LRRC28: variants seen among roughly 807,000 people sequenced by gnomAD.
LRRC28 encodes leucine rich repeat containing 28.
In LRRC28, 39 loss-of-function variants were observed where a neutral mutation model predicts 45.7. That is an observed-to-expected ratio of 0.85 (90% CI 0.66 to 1.12). LRRC28 has a LOEUF of 1.12. Among genes scored for constraint, LRRC28 ranks in the 50% most tolerant of loss-of-function variants. The probability of loss-of-function intolerance (pLI) is 0.00; values close to 1 mark genes in which losing one functional copy is unlikely to be tolerated. For missense variants in LRRC28, 435 were observed against 438.5 expected, an observed-to-expected ratio of 0.99 and a Z score of 0.07; for synonymous variants, 206 against 178.8, an observed-to-expected ratio of 1.15 and a Z score of -1.22.
intron 5 of LRRC28, among the ~76,000 whole-genome samples, chr15:99,323,177 G>A (rs1285367344): frequency 6.6e-6 from 1 of 152,122 alleles, no homozygotes; most frequent in African/African-American, 2.4e-5. Context: ...ACCACAGTTT[G>A]ATTTTGGCTC....
intron 3 of LRRC28, chr15:99,286,973 A>G (rs2081974466): frequency 4.0e-6 from 1 of 248,786 alleles, no homozygotes. Context: ...TGTGTTATGA[A>G]GTTAAAAAGA....
At chr15:99,367,877 C>T (rs896786958) in intron 9 of LRRC28, among the ~76,000 whole-genome samples, 2 of 152,124 alleles carry the variant, frequency 1.3e-5, no homozygotes, top group Non-Finnish European at 2.9e-5. Flanking sequence ...GCCCCCCTCC[C>T]CTCCCCAAAG....
chr15:99,384,778 T>C (rs553464500), intron 9 of LRRC28: 1 of 152,322 alleles, frequency 6.6e-6, no homozygotes, highest in East Asian at 1.9e-4. Context: ...CCCACTTCTC[T>C]CTAGTAAGAA....
rs546099541 is a variant in LRRC28 at position 99,364,327 on chromosome 15, C to T, written c.1031+1062C>T. On this transcript the variant is annotated intron_variant, in intron 9 of 9. Coordinates refer to ENST00000301981, the MANE Select transcript of LRRC28 (RefSeq NM_144598.5). ...GAGGTATTCAACAAATGGTAGTTCC[C>T]ATTTACATAGCTCTACTCACGCCAT... 4.7e-4 allele frequency among the ~76,000 whole-genome samples: 71 copies of T among 152,318 alleles called. 1 individual carries two copies. The highest frequency in any genetic ancestry group is 2.3e-3 in the South Asian group (11 of 4,826).
At chr15:99,284,391 C>G (rs1421819204) in intron 3 of LRRC28, among the ~76,000 whole-genome samples, 1 of 152,276 alleles carries the variant, frequency 6.6e-6, no homozygotes, top group Middle Eastern at 3.4e-3. Flanking sequence ...TGTTGGACTG[C>G]TTTACACTTT....
intron 2 of LRRC28, among the ~76,000 whole-genome samples, chr15:99,275,577 GTAACT>G (rs149714360): frequency 6.6e-6 from 1 of 152,296 alleles, no homozygotes; most frequent in Non-Finnish European, 1.5e-5. Context: ...CAAAAACTGG[GTAACT>G]TAAAACAACA....
At chr15:99,340,066 C>T (rs771174589) in intron 6 of LRRC28, among the ~76,000 whole-genome samples, 1 of 152,218 alleles carries the variant, frequency 6.6e-6, no homozygotes, top group Non-Finnish European at 1.5e-5. Flanking sequence ...CAAGCAAGCA[C>T]GTGAGTGCAG....
At position 99,370,469 on chromosome 15, in the gene LRRC28, T is replaced by A. The variant is rs914206299; in HGVS notation, c.1031+7204T>A. ...GAAGGATGGAGCTCCAACTCTTTAC[T>A]ATGAGTATCTTGGGAAGGGGGGAAT... On this transcript the variant is annotated intron_variant, in intron 9 of 9. Transcript: ENST00000301981. Among the ~76,000 whole-genome samples the A allele has an allele frequency of 8.5e-5, 13 of 152,232 alleles. 1 individual carries two copies. In the East Asian group the frequency reaches 9.7e-4, roughly 11 times the overall value.
At chr15:99,279,448 C>G (rs981695300) in intron 3 of LRRC28, among the ~76,000 whole-genome samples, 1 of 152,154 alleles carries the variant, frequency 6.6e-6, no homozygotes, top group African/African-American at 2.4e-5. Flanking sequence ...GGTTTTTGCC[C>G]TGGGCAATCT....
chr15:99,377,343 TC>T (rs1306006003), intron 9 of LRRC28, among the ~76,000 whole-genome samples: 4 of 152,324 alleles, frequency 2.6e-5, no homozygotes, highest in Non-Finnish European at 5.9e-5. Flanking sequence ...ATAAATGTCT[TC>T]TTTTGAGAAG....
intron 9 of LRRC28, among the ~76,000 whole-genome samples, chr15:99,364,949 A>G (rs981935451): frequency 3.3e-5 from 5 of 152,226 alleles, no homozygotes; most frequent in South Asian, 4.1e-4. Context: ...TCATTAAACT[A>G]CAGTTCAAAC....
chr15:99,342,686 A>G (rs1439031697), intron 6 of LRRC28, among the ~76,000 whole-genome samples: 2 of 152,194 alleles, frequency 1.3e-5, no homozygotes, highest in African/African-American at 4.8e-5. Flanking sequence ...TTGTTACCTG[A>G]ACTGTGCAAG....
chr15:99,297,452 TG>T (rs1236526000), intron 5 of LRRC28: 1 of 134,204 alleles, frequency 7.5e-6, no homozygotes, highest in Non-Finnish European at 1.6e-5. Context: ...TTGGTAGAGG[TG>T]GGGTCTTGCT....
At chr15:99,261,160 C>T (rs770944829) in intron 2 of LRRC28, among the ~76,000 whole-genome samples, 1 of 152,152 alleles carries the variant, frequency 6.6e-6, no homozygotes, top group Non-Finnish European at 1.5e-5. Context: ...GGTGAATGCT[C>T]ATGTTTAGAA....
At chr15:99,301,894 A>G (rs1466518947) in intron 5 of LRRC28, among the ~76,000 whole-genome samples, 2 of 152,112 alleles carry the variant, frequency 1.3e-5, no homozygotes, top group African/African-American at 4.8e-5. Flanking sequence ...CCAGGGCATT[A>G]TCTATACTGA....
chr15:99,366,687 C>A (rs1326621314), intron 9 of LRRC28, among the ~76,000 whole-genome samples: 1 of 152,044 alleles, frequency 6.6e-6, no homozygotes, highest in Non-Finnish European at 1.5e-5. Context: ...CTCATTTAAA[C>A]CAATTATCTC....
chr15:99,328,641 G>A (rs1240679634), intron 5 of LRRC28, among the ~76,000 whole-genome samples: 1 of 149,916 alleles, frequency 6.7e-6, no homozygotes, highest in Non-Finnish European at 1.5e-5. Flanking sequence ...ACTAGCACAT[G>A]AGTCTGAGTG....
chr15:99,313,882 T>G (rs1228394748), intron 5 of LRRC28, among the ~76,000 whole-genome samples: 6 of 152,176 alleles, frequency 3.9e-5, no homozygotes, highest in Non-Finnish European at 8.8e-5. Flanking sequence ...TTTGATAAAC[T>G]GCTATTCTTG....
At chr15:99,309,673 C>G (rs1287139322) in intron 5 of LRRC28, among the ~76,000 whole-genome samples, 2 of 152,198 alleles carry the variant, frequency 1.3e-5, no homozygotes, top group Non-Finnish European at 2.9e-5. Flanking sequence ...TCCCAAAGTG[C>G]TGGGATTACA....
Sources: allele counts gnomAD v4.1 joint callset (sites outside exome capture counted in the v4.1 genomes callset), GRCh38; gene constraint gnomAD v4.1.1; transcripts MANE v1.5; gene names NCBI Gene and HGNC (gene_info 2026-07-23, HGNC 2026-07-21).